The following NALF1 variants were observed in gnomAD, a reference collection of about 807,000 sequenced individuals.
The protein encoded by NALF1 is NALCN channel auxiliary factor 1, also known as family with sequence similarity 155 member A.
In NALF1, 3 loss-of-function variants were observed where a neutral mutation model predicts 48.4. The ratio of observed to expected loss-of-function variants is 0.06; its 90% CI spans 0.03 to 0.16. NALF1 has a LOEUF of 0.16. Among genes scored for constraint, NALF1 ranks in the 10% least tolerant of loss-of-function variants. NALF1 has a pLI of 1.00. For synonymous variants in NALF1, 262 were observed against 245.7 expected, an observed-to-expected ratio of 1.07 and a Z score of -0.62; for missense variants, 526 against 571.5, an observed-to-expected ratio of 0.92 and a Z score of 0.81.
chr13:107,510,239 A>C (rs1296137834), intron 1 of NALF1, among the ~76,000 whole-genome samples: 1 of 152,214 alleles, frequency 6.6e-6, no homozygotes, highest in Non-Finnish European at 1.5e-5. Flanking sequence ...ATGTTTTCAC[A>C]CCCAATTCCT....
intron 1 of NALF1, among the ~76,000 whole-genome samples, chr13:107,276,391 C>T (rs1380417622): frequency 1.3e-5 from 2 of 152,116 alleles, no homozygotes; most frequent in African/African-American, 2.4e-5. Context: ...GAGGTTGTTC[C>T]TTTCTTCCCA....
intron 1 of NALF1, among the ~76,000 whole-genome samples, chr13:107,217,476 C>G (rs528346407): frequency 6.6e-6 from 1 of 152,202 alleles, no homozygotes; most frequent in African/African-American, 2.4e-5. Context: ...CGTCCATCCT[C>G]GTGATTCAAT....
intron 1 of NALF1, among the ~76,000 whole-genome samples, chr13:107,471,957 G>C (rs1460010963): frequency 6.6e-6 from 1 of 152,202 alleles, no homozygotes; most frequent in East Asian, 1.9e-4. Context: ...AACCTATTCT[G>C]TATATCCCTG....
chr13:107,818,869 CTCAAAA>C (rs1216509016), intron 1 of NALF1, among the ~76,000 whole-genome samples: 1 of 48,470 alleles, frequency 2.1e-5, no homozygotes. Context: ...GAGACTCCGT[CTCAAAA>C]AAAAAAAAAA....
intron 1 of NALF1, among the ~76,000 whole-genome samples, chr13:107,268,178 C>T (rs1260355077): frequency 6.6e-6 from 1 of 151,886 alleles, no homozygotes; most frequent in Non-Finnish European, 1.5e-5. Context: ...TTAGTAGAGA[C>T]TGGGTTTTAC....
chr13:107,346,566 A>C (rs1367497526), intron 1 of NALF1, among the ~76,000 whole-genome samples: 2 of 152,228 alleles, frequency 1.3e-5, no homozygotes, highest in Admixed American at 6.5e-5. Flanking sequence ...ATGGTTATGA[A>C]GTAATCAAAC....
chr13:107,643,841 C>T (rs1430662018), intron 1 of NALF1, among the ~76,000 whole-genome samples: 1 of 152,054 alleles, frequency 6.6e-6, no homozygotes, highest in African/African-American at 2.4e-5. Flanking sequence ...ACTTCCTGTG[C>T]AGCCTCAAGG....
rs180782878 is a variant in NALF1 at position 107,751,577 on chromosome 13, T to C, written c.915+114105A>G. Among the ~76,000 whole-genome samples the C allele has an allele frequency of 2.0e-3, 304 of 152,332 alleles. 1 individual carries two copies. The highest frequency in any genetic ancestry group is 3.6e-3 in the Non-Finnish European group (248 of 68,026). On this transcript the variant is annotated intron_variant, in intron 1 of 2. Coordinates refer to ENST00000375915, the MANE Select transcript of NALF1 (RefSeq NM_001080396.3). Reference sequence around the variant, plus strand: ...TCCTTAAAACAGACCTAATTAATGTTAATGGACTTTTCTGCTGCATATATA... The same window carrying C: ...TCCTTAAAACAGACCTAATTAATGTCAATGGACTTTTCTGCTGCATATATA...
intron 1 of NALF1, among the ~76,000 whole-genome samples, chr13:107,787,641 A>T (rs1878114333): frequency 6.6e-6 from 1 of 152,230 alleles, no homozygotes; most frequent in Non-Finnish European, 1.5e-5. Context: ...TAACTAGTAT[A>T]TCATTTATTC....
chr13:107,672,799 AT>A (rs939590017), intron 1 of NALF1, among the ~76,000 whole-genome samples: 9 of 152,026 alleles, frequency 5.9e-5, no homozygotes, highest in African/African-American at 1.9e-4. Context: ...GAGGTAAAAA[AT>A]TTTCCAAGGT....
At chr13:107,249,676 T>C (rs1880656535) in intron 1 of NALF1, among the ~76,000 whole-genome samples, 1 of 152,160 alleles carries the variant, frequency 6.6e-6, no homozygotes, top group Non-Finnish European at 1.5e-5. Flanking sequence ...ATTGAACTTT[T>C]ATTTTGTACT....
chr13:107,319,986 T>C (rs1882222728), intron 1 of NALF1, among the ~76,000 whole-genome samples: 1 of 152,122 alleles, frequency 6.6e-6, no homozygotes, highest in Non-Finnish European at 1.5e-5. Context: ...ACACCAAAGT[T>C]GAGGCATTTA....
intron 2 of NALF1, among the ~76,000 whole-genome samples, chr13:107,190,153 C>G (rs1472603606): frequency 6.6e-6 from 1 of 152,178 alleles, no homozygotes; most frequent in Non-Finnish European, 1.5e-5. Context: ...AACTACAACT[C>G]TGCAAAGGAA....
At chr13:107,733,753 G>C (rs1015099137) in intron 1 of NALF1, among the ~76,000 whole-genome samples, 3 of 152,108 alleles carry the variant, frequency 2.0e-5, no homozygotes, top group African/African-American at 4.8e-5. Context: ...AATTTATTTA[G>C]ATATCTTTAG....
chr13:107,813,775 C>T (rs1431557509), intron 1 of NALF1, among the ~76,000 whole-genome samples: 2 of 152,026 alleles, frequency 1.3e-5, no homozygotes, highest in African/African-American at 2.4e-5. Context: ...TCAGACCTTC[C>T]ATATACATGA....
intron 1 of NALF1, among the ~76,000 whole-genome samples, chr13:107,492,554 G>T (rs1052059164): frequency 1.3e-5 from 2 of 151,890 alleles, no homozygotes; most frequent in African/African-American, 4.8e-5. Context: ...AGCCTTCCTC[G>T]CCTTACTCAA....
intron 1 of NALF1, among the ~76,000 whole-genome samples, chr13:107,658,850 T>C (rs1188412754): frequency 6.6e-6 from 1 of 152,082 alleles, no homozygotes; most frequent in Non-Finnish European, 1.5e-5. Flanking sequence ...ATGGTATTTC[T>C]ATAACAAAAG....
chr13:107,284,970 GAA>G (rs1881465255), intron 1 of NALF1, among the ~76,000 whole-genome samples: 1 of 152,100 alleles, frequency 6.6e-6, no homozygotes, highest in Admixed American at 6.5e-5. Context: ...TTCTGGAGCT[GAA>G]AAGTGTAATA....
At position 107,865,925 on chromosome 13, in the gene NALF1, C is replaced by G; in HGVS notation, c.672G>C (p.Ser224=). Residue 224 remains serine (S), a synonymous_variant, in exon 1 of 3, where the codon TCG becomes TCC. Coordinates refer to ENST00000375915, the MANE Select transcript of NALF1 (RefSeq NM_001080396.3). ...CCCAAAGTGTGTAGGAATTACAAAACGAAAGGTAAAAATCCGACAAGTTCC... is the reference window on the plus strand; with the variant it reads ...CCCAAAGTGTGTAGGAATTACAAAAGGAAAGGTAAAAATCCGACAAGTTCC... ...PLWNLSDFYL[S]FCNSYTLWEL... is the part of the protein sequence containing the mutation. 1 of 1,614,048 alleles carries G rather than the reference C, an allele frequency of 6.2e-7. No individual in the cohort carries two copies. Among genetic ancestry groups the G allele is most frequent in the African/African-American group, 1.3e-5 (1 of 75,016 alleles).
Sources: gnomAD v4.1 joint callset for allele counts (sites outside exome capture counted in the v4.1 genomes callset) on GRCh38, gnomAD v4.1.1 for gene constraint, MANE v1.5 for transcripts, NCBI Gene and HGNC (gene_info 2026-07-23, HGNC 2026-07-21) for gene names.